CYBRD1: variants seen among roughly 807,000 people sequenced by gnomAD.
The protein encoded by CYBRD1 is cytochrome b reductase 1, also known as plasma membrane ascorbate-dependent reductase CYBRD1.
A neutral mutation model predicts 21.9 loss-of-function variants in CYBRD1; 14 were observed. The ratio of observed to expected loss-of-function variants is 0.64; its 90% CI spans 0.42 to 1.00. The LOEUF (loss-of-function observed/expected upper bound fraction) is 1.00, where lower values mean the gene tolerates loss of function less well. Ranked by LOEUF, CYBRD1 falls within the 50% of genes least tolerant of loss-of-function variation. CYBRD1 has a pLI of 0.00. For synonymous variants in CYBRD1, 146 were observed against 136.5 expected, an observed-to-expected ratio of 1.07 and a Z score of -0.48; for missense variants, 328 against 352.5, an observed-to-expected ratio of 0.93 and a Z score of 0.56.
intron 3 of CYBRD1, among the ~76,000 whole-genome samples, chr2:171,554,071 G>A (rs1402160653): frequency 6.6e-6 from 1 of 152,190 alleles, no homozygotes; most frequent in East Asian, 1.9e-4. Context: ...GCATGTAAAT[G>A]AAGTGGTGGC....
Position 171,522,808 on chromosome 2 carries a change from G to A in CYBRD1, c.193+70G>A. The A allele has an allele frequency of 6.3e-7, 1 of 1,599,786 alleles. No homozygotes were observed. On this transcript the variant is annotated intron_variant, in intron 1 of 3. Coordinates refer to ENST00000321348, the MANE Select transcript of CYBRD1 (RefSeq NM_024843.4). The surrounding 1 kb of genome is among the most constrained non-coding windows in gnomAD (Gnocchi z 4.3). ...ACGGCGGGGGCAGAGGGTCCTCCGT[G>A]AAGCCCCTTCCAGCTGAGGAAGTGC... is the stretch of plus-strand genomic sequence containing the variant.
At chr2:171,528,565 C>T (rs1369807849) in intron 1 of CYBRD1, among the ~76,000 whole-genome samples, 4 of 152,098 alleles carry the variant, frequency 2.6e-5, no homozygotes, top group Non-Finnish European at 4.4e-5. Context: ...GTCTTCTGAC[C>T]ACTTCTTTTT....
At chr2:171,529,967 G>A (rs6751911) in intron 1 of CYBRD1, among the ~76,000 whole-genome samples, 117,632 of 152,098 alleles carry the variant, frequency 0.77, 45,915 homozygotes, top group East Asian at 0.9. Flanking sequence ...TCAAGATGAG[G>A]TCACCCTGGA....
At chr2:171,542,499 CAGAG>C (rs776426132) in intron 2 of CYBRD1, among the ~76,000 whole-genome samples, 28 of 151,884 alleles carry the variant, frequency 1.8e-4, no homozygotes, top group Non-Finnish European at 3.4e-4. Context: ...AAAGGAAAGA[CAGAG>C]AGAGAGATCG....
In CYBRD1 at chr2:171,557,037, C is replaced by T. The variant is rs1009660593; in HGVS notation, c.*2210C>T. The T allele has an allele frequency of 2.0e-5, 3 of 152,564 alleles. No individual in the cohort carries two copies. Among genetic ancestry groups the T allele is most frequent in the East Asian group, 3.8e-4 (2 of 5,200 alleles). The allele number at this position is 152,564 out of a possible 1,614,324, so 9.5% of individuals were successfully genotyped here. A position where few individuals can be genotyped will look rare whatever the true frequency, so the allele number is the denominator to read the frequency against. ...CACTGTTGCAAAGTATTTAAGCACC[C>T]CCCATCTCAGCCCTTTATTTTATCT... On this transcript the variant is annotated 3_prime_UTR_variant, in exon 4 of 4. Transcript: ENST00000321348.
At chr2:171,544,519 G>GA (rs1302099563) in intron 2 of CYBRD1, among the ~76,000 whole-genome samples, 2 of 151,936 alleles carry the variant, frequency 1.3e-5, no homozygotes, top group Non-Finnish European at 2.9e-5. Flanking sequence ...CTAGTACACA[G>GA]AAAAAACAAA....
In CYBRD1 at chr2:171,522,871, C is replaced by A; in HGVS notation, c.193+133C>A. The A allele has an allele frequency of 3.5e-6, 5 of 1,432,098 alleles. No homozygotes were observed. The highest frequency in any genetic ancestry group is 1.3e-5 in the South Asian group (1 of 74,750). 88.7% of individuals were successfully genotyped at this position (1,432,098 alleles called of 1,614,324 possible). On this transcript the variant is annotated intron_variant, in intron 1 of 3. Coordinates refer to ENST00000321348, the MANE Select transcript of CYBRD1 (RefSeq NM_024843.4). This position sits in a 1 kb window ranked among gnomAD's most constrained non-coding sequence, Gnocchi z 4.3. The stretch of plus-strand genomic sequence containing the variant: ...GGGCCCGGAGGAGTGCGGTGAGGAG[C>A]GCGCGGGAAGCCAAGTCGGCTGGGC...
At chr2:171,536,763 GT>G (rs1310396947) in intron 1 of CYBRD1, among the ~76,000 whole-genome samples, 1 of 152,200 alleles carries the variant, frequency 6.6e-6, no homozygotes. Flanking sequence ...TCAGAGATGA[GT>G]TTTTATTTTG....
At chr2:171,536,133 CTTTTT>C (rs71013042) in intron 1 of CYBRD1, among the ~76,000 whole-genome samples, 73 of 110,260 alleles carry the variant, frequency 6.6e-4, no homozygotes, top group African/African-American at 2.5e-3. Flanking sequence ...GATAGTTACT[CTTTTT>C]TTTTTTTTTT....
At chr2:171,542,360 A>G (rs1697647782) in intron 2 of CYBRD1, among the ~76,000 whole-genome samples, 1 of 152,192 alleles carries the variant, frequency 6.6e-6, no homozygotes, top group African/African-American at 2.4e-5. Context: ...TAAAATTAAG[A>G]AATATCAGGC....
rs79299875 is a variant in CYBRD1 at position 171,538,712 on chromosome 2, G to T, written c.194-2873G>T. Among the ~76,000 whole-genome samples the T allele has an allele frequency of 9.0e-3, 1,364 of 152,172 alleles. 20 individuals are homozygous for T. The highest frequency in any genetic ancestry group is 0.028 in the African/African-American group (1,145 of 41,520). On this transcript the variant is annotated intron_variant, in intron 1 of 3. Transcript: ENST00000321348. ...GCTTTAAAGAGGCTGAATTCACATC[G>T]GTCTTTGTAGGTTTAGATGTGTTTC...
intron 1 of CYBRD1, among the ~76,000 whole-genome samples, chr2:171,533,530 G>A (rs910495060): frequency 6.6e-6 from 1 of 151,780 alleles, no homozygotes; most frequent in Non-Finnish European, 1.5e-5. Context: ...CCATGTTTGG[G>A]GACATTTCTC....
chr2:171,527,324 T>C (rs1417418154), intron 1 of CYBRD1, among the ~76,000 whole-genome samples: 2 of 152,228 alleles, frequency 1.3e-5, no homozygotes, highest in Non-Finnish European at 2.9e-5. Context: ...GATATGACTG[T>C]GGTGCTCAGT....
At chr2:171,547,736 T>C (rs1275811388) in intron 2 of CYBRD1, among the ~76,000 whole-genome samples, 2 of 152,104 alleles carry the variant, frequency 1.3e-5, no homozygotes, top group Admixed American at 1.3e-4. Flanking sequence ...CATGAGGTGA[T>C]AGTAAAATCA....
intron 1 of CYBRD1, among the ~76,000 whole-genome samples, chr2:171,524,024 CTG>C (rs1697349587): frequency 2.6e-5 from 4 of 152,218 alleles, no homozygotes; most frequent in African/African-American, 9.6e-5. Context: ...CAAAAGAGTG[CTG>C]ACCTCATTCC....
At chr2:171,529,531 C>CAA (rs57600338) in intron 1 of CYBRD1, among the ~76,000 whole-genome samples, 1,704 of 68,936 alleles carry the variant, frequency 0.025, 103 homozygotes, top group Admixed American at 0.088. Context: ...AACTCTGTCT[C>CAA]AAAAAAAAAA....
chr2:171,536,133 CTT>C lies in CYBRD1; in HGVS notation c.194-5434_194-5433del, dbSNP rs71013042. On this transcript the variant is annotated intron_variant, in intron 1 of 3. Coordinates refer to ENST00000321348, the MANE Select transcript of CYBRD1 (RefSeq NM_024843.4). ...GAGTCATGATATCATGATAGTTACT[CTT>C]TTTTTTTTTTTTTTTTTGAGACAGT... is the stretch of plus-strand genomic sequence containing the variant. Among the ~76,000 whole-genome samples the C allele has an allele frequency of 1.3e-3, 143 of 110,260 alleles. 2 individuals carry two copies. The highest frequency in any genetic ancestry group is 0.012 in the East Asian group (47 of 3,810). The allele number at this position is 110,260 out of a possible 152,430, so 72.3% of individuals were successfully genotyped here. A position where few individuals can be genotyped will look rare whatever the true frequency, so the allele number is the denominator to read the frequency against.
chr2:171,538,900 C>G (rs543091197), intron 1 of CYBRD1, among the ~76,000 whole-genome samples: 2 of 152,048 alleles, frequency 1.3e-5, no homozygotes, highest in African/African-American at 4.8e-5. Context: ...CGAGTTCAAG[C>G]GATTCTCCTG....
At chr2:171,533,224 G>A (rs183000293) in intron 1 of CYBRD1, among the ~76,000 whole-genome samples, 86 of 152,116 alleles carry the variant, frequency 5.7e-4, no homozygotes, top group Admixed American at 3.4e-3. Context: ...AAAATTAGCC[G>A]GGCATGGTAG....
Sources: allele counts gnomAD v4.1 joint callset (sites outside exome capture counted in the v4.1 genomes callset), GRCh38; gene constraint gnomAD v4.1.1; non-coding constraint Gnocchi (gnomAD v3.1); transcripts MANE v1.5; gene names NCBI Gene and HGNC (gene_info 2026-07-23, HGNC 2026-07-21).